The following LAPTM5 variants were observed in gnomAD, a reference collection of about 807,000 sequenced individuals.
LAPTM5 encodes lysosomal-associated transmembrane protein 5.
LAPTM5 carries 11 observed loss-of-function variants against 30.1 expected under a neutral mutation model. The observed-to-expected ratio is 0.37, with a 90% CI of 0.23 to 0.60. LAPTM5 has a LOEUF of 0.60. Among genes scored for constraint, LAPTM5 ranks in the 20% least tolerant of loss-of-function variants. LAPTM5 has a pLI of 0.71. For missense variants in LAPTM5, 324 were observed against 332.5 expected (o/e 0.97, Z 0.20); for synonymous variants, 151 against 137.9 (o/e 1.10, Z -0.67).
At chr1:30,736,927 G>T (rs140666064) in intron 6 of LAPTM5, among the ~76,000 whole-genome samples, 1 of 152,136 alleles carries the variant, frequency 6.6e-6, no homozygotes, top group East Asian at 1.9e-4. Context: ...CAGCAGTCAG[G>T]TCCCCCTTGA....
intron 1 of LAPTM5, among the ~76,000 whole-genome samples, chr1:30,756,302 C>G (rs1640210322): frequency 6.6e-6 from 1 of 152,168 alleles, no homozygotes; most frequent in Non-Finnish European, 1.5e-5. Flanking sequence ...AGTTCCTCCT[C>G]CCAAAACTAG....
chr1:30,743,804 T>TTTTG (rs1553127174), intron 1 of LAPTM5, among the ~76,000 whole-genome samples: 4 of 148,208 alleles, frequency 2.7e-5, no homozygotes, highest in East Asian at 3.9e-4. Context: ...GGTTTTTTTT[T>TTTTG]TTTTTTTTTT....
chr1:30,740,554 T>A (rs1474991929), intron 3 of LAPTM5, among the ~76,000 whole-genome samples: 1 of 151,894 alleles, frequency 6.6e-6, no homozygotes, highest in African/African-American at 2.4e-5. Context: ...CCATGACCAG[T>A]ATTCATTCAT....
rs546436051 is a variant in LAPTM5 at position 30,757,600 on chromosome 1, G to A, written c.87+59C>T. Reference sequence around the variant, plus strand: ...GGGGCTCCGTAGATGACGGGTCACCGCAGACATTCACACTCACACAAGCAC... The same window carrying A: ...GGGGCTCCGTAGATGACGGGTCACCACAGACATTCACACTCACACAAGCAC... On this transcript the variant is annotated intron_variant, in intron 1 of 7. Transcript: ENST00000294507. 8.3e-5 allele frequency: 128 copies of A among 1,545,474 alleles called. 1 individual carries two copies. The South Asian group carries it at 1.1e-3, about 14-fold the overall frequency.
chr1:30,741,793 G>T, intron 2 of LAPTM5, 77 bp from the exon 3 acceptor site: 2 of 1,065,648 alleles, frequency 1.9e-6, no homozygotes, highest in Non-Finnish European at 1.4e-6. Flanking sequence ...CCACACTTGG[G>T]GAACCACTGG....
chr1:30,757,178 C>G (rs192653777), intron 1 of LAPTM5, among the ~76,000 whole-genome samples: 2 of 152,230 alleles, frequency 1.3e-5, no homozygotes, highest in Admixed American at 1.3e-4. Flanking sequence ...CTTCTCATCC[C>G]CTCGAGTGGC....
chr1:30,745,405 C>T (rs1010614349), intron 1 of LAPTM5, among the ~76,000 whole-genome samples: 3 of 152,184 alleles, frequency 2.0e-5, no homozygotes, highest in African/African-American at 4.8e-5. Context: ...GGCAGAGAGG[C>T]GCCCCCATCC....
At chr1:30,740,862 C>T (rs1639960821) in intron 3 of LAPTM5, among the ~76,000 whole-genome samples, 1 of 152,172 alleles carries the variant, frequency 6.6e-6, no homozygotes, top group Non-Finnish European at 1.5e-5. Flanking sequence ...GCATTCCAAA[C>T]CAGCACCAAA....
intron 7 of LAPTM5, among the ~76,000 whole-genome samples, chr1:30,734,938 G>T (rs1389503281): frequency 6.6e-6 from 1 of 152,152 alleles, no homozygotes; most frequent in Non-Finnish European, 1.5e-5. Context: ...AGTTTTCTCT[G>T]CGCCTCCTGG....
At chr1:30,751,764 G>A (rs1419879043) in intron 1 of LAPTM5, among the ~76,000 whole-genome samples, 1 of 152,108 alleles carries the variant, frequency 6.6e-6, no homozygotes, top group South Asian at 2.1e-4. Context: ...GGGGCCTTGT[G>A]TTCTTCTTCC....
intron 1 of LAPTM5, among the ~76,000 whole-genome samples, chr1:30,753,089 T>G (rs2124200363): frequency 6.6e-6 from 1 of 151,890 alleles, no homozygotes; most frequent in Middle Eastern, 3.4e-3. Flanking sequence ...GCCGTACTTT[T>G]TTTTTTTTCC....
At chr1:30,740,560 T>C (rs1639955705) in intron 3 of LAPTM5, among the ~76,000 whole-genome samples, 1 of 152,008 alleles carries the variant, frequency 6.6e-6, no homozygotes, top group African/African-American at 2.4e-5. Flanking sequence ...CCAGTATTCA[T>C]TCATATGCTC....
At chr1:30,735,423 C>T (rs1462702302) in intron 6 of LAPTM5, among the ~76,000 whole-genome samples, 158 bp from the exon 7 acceptor site, 1 of 152,218 alleles carries the variant, frequency 6.6e-6, no homozygotes, top group East Asian at 1.9e-4. Flanking sequence ...GGTTCCTCAC[C>T]AGCCAGTCCA....
Position 30,733,900 on chromosome 1 carries a change from G to A in LAPTM5, c.717C>T (p.Tyr239=), listed in dbSNP as rs749689314. 8.7e-6 allele frequency: 14 copies of A among 1,611,610 alleles called. No individual in the cohort carries two copies. Among genetic ancestry groups the A allele is most frequent in the South Asian group, 3.3e-5 (3 of 90,926 alleles). Residue 239 remains tyrosine, a synonymous_variant, in exon 8 of 8, where the codon TAC becomes TAT. Transcript: ENST00000294507. ...KMLQKVVLPS[Y]EEALSLPSKT... ...TCGATGGCAAAGACAGGGCTTCCTC[G>A]TAGGACGGCAGGACCACCTGGGAGA...
chr1:30,752,144 GC>G (rs897338429), intron 1 of LAPTM5, among the ~76,000 whole-genome samples: 5 of 152,206 alleles, frequency 3.3e-5, no homozygotes, highest in Non-Finnish European at 7.3e-5. Flanking sequence ...CACCACCCCA[GC>G]CATGGGGCAG....
At chr1:30,749,938 G>T (rs1236305775) in intron 1 of LAPTM5, among the ~76,000 whole-genome samples, 1 of 152,144 alleles carries the variant, frequency 6.6e-6, no homozygotes, top group African/African-American at 2.4e-5. Flanking sequence ...GGCCTCTGGG[G>T]TTAGAGAGAA....
Position 30,733,908 on chromosome 1 carries a change from G to C in LAPTM5, c.709C>G (p.Pro237Ala), listed in dbSNP as rs767643820. 5.0e-6 allele frequency: 8 copies of C among 1,611,270 alleles called. No individual in the cohort carries two copies. Among genetic ancestry groups the C allele is most frequent in the Non-Finnish European group, 6.8e-6 (8 of 1,179,374 alleles). The change falls in exon 8 of 8, where the codon CCG becomes GCG. Residue 237 changes from proline (P) to alanine (A), a missense_variant. Pro to Ala is a conservative substitution (Grantham distance 27, BLOSUM62 -1). Coordinates refer to ENST00000294507, the MANE Select transcript of LAPTM5 (RefSeq NM_006762.3). ...AAAGACAGGGCTTCCTCGTAGGACG[G>C]CAGGACCACCTGGGAGAGACAGAGA... ...NSKMLQKVVL[P>A]SYEEALSLPS... is the part of the protein sequence containing the mutation.
intron 1 of LAPTM5, among the ~76,000 whole-genome samples, chr1:30,757,133 G>A (rs892714904): frequency 6.6e-6 from 1 of 152,224 alleles, no homozygotes; most frequent in African/African-American, 2.4e-5. Context: ...CACGGCCCCT[G>A]CCTCCCCACT....
chr1:30,746,899 A>G lies in LAPTM5; in HGVS notation c.88-4350T>C, dbSNP rs899482530. Among the ~76,000 whole-genome samples the G allele has an allele frequency of 2.6e-5, 4 of 152,166 alleles. No homozygotes were observed. Among genetic ancestry groups the G allele is most frequent in the African/African-American group, 9.7e-5 (4 of 41,434 alleles). The stretch of plus-strand genomic sequence containing the variant: ...AGCAGGTGCACCATAAACAAGCACA[A>G]TTGGGTGGTGGTTTTTGCTACCTCT... On this transcript the variant is annotated intron_variant, in intron 1 of 7. Transcript: ENST00000294507. The surrounding 1 kb of genome is among the most constrained non-coding windows in gnomAD (Gnocchi z 4.0).
Sources: gnomAD v4.1 joint callset for allele counts (sites outside exome capture counted in the v4.1 genomes callset) on GRCh38, gnomAD v4.1.1 for gene constraint, Gnocchi (gnomAD v3.1) non-coding constraint, MANE v1.5 for transcripts, NCBI Gene and HGNC (gene_info 2026-07-23, HGNC 2026-07-21) for gene names.